Variants in VPS13B observed in about 807,000 individuals in gnomAD.
VPS13B encodes the protein intermembrane lipid transfer protein VPS13B.
A neutral mutation model predicts 426.4 loss-of-function variants in VPS13B; 285 were observed. That is an observed-to-expected ratio of 0.67 (90% CI 0.61 to 0.74). The LOEUF (loss-of-function observed/expected upper bound fraction) is 0.74, where lower values mean the gene tolerates loss of function less well. Ranked by LOEUF, VPS13B falls within the 30% of genes least tolerant of loss-of-function variation. VPS13B has a pLI of 0.00. For missense variants in VPS13B, 4,537 were observed against 4,782.6 expected (o/e 0.95, Z 1.51); for synonymous variants, 1,676 against 1,676.4 (o/e 1.00, Z 0.01).
At chr8:99,121,472 T>C in intron 8 of VPS13B, 27 bp downstream of exon 8, 2 of 1,610,768 alleles carry the variant, frequency 1.2e-6, no homozygotes, top group South Asian at 1.1e-5. Context: ...GCTGTTTATA[T>C]CTCTATCAAC....
At chr8:99,480,226 A>C (rs1489452875) in intron 24 of VPS13B, among the ~76,000 whole-genome samples, 1 of 152,186 alleles carries the variant, frequency 6.6e-6, no homozygotes, top group Non-Finnish European at 1.5e-5. Flanking sequence ...TTCTGTTAGC[A>C]ACTTTCTTCT....
chr8:99,233,777 A>G (rs1031896981), intron 17 of VPS13B: 40 of 779,312 alleles, frequency 5.1e-5, no homozygotes, highest in Middle Eastern at 3.6e-4. Context: ...TTCTTTTCCA[A>G]TCAGTCTTCC....
chr8:99,391,388 G>A (rs563035315), intron 20 of VPS13B, among the ~76,000 whole-genome samples, 169 bp from the exon 21 acceptor site: 3 of 151,952 alleles, frequency 2.0e-5, no homozygotes, highest in South Asian at 4.2e-4. Context: ...AAAAAAAAGC[G>A]GGGCTGTGGG....
chr8:99,795,432 T>C (rs1416628381), intron 43 of VPS13B, among the ~76,000 whole-genome samples: 5 of 152,318 alleles, frequency 3.3e-5, no homozygotes, highest in East Asian at 3.9e-4. Flanking sequence ...TTCCAGTTTT[T>C]ACTCACTTTC....
At chr8:99,324,478 G>A (rs1167703630) in intron 19 of VPS13B, among the ~76,000 whole-genome samples, 1 of 152,082 alleles carries the variant, frequency 6.6e-6, no homozygotes, top group East Asian at 1.9e-4. Flanking sequence ...TGCTTGCAGA[G>A]CTGAAAGATT....
intron 17 of VPS13B, among the ~76,000 whole-genome samples, chr8:99,209,105 C>T (rs910591422): frequency 6.6e-6 from 1 of 151,884 alleles, no homozygotes; most frequent in Admixed American, 6.6e-5. Context: ...ATGCTAAAAC[C>T]CCATCTCTAC....
At chr8:99,481,926 A>G in intron 25 of VPS13B, 124 bp downstream of exon 25, 1 of 1,190,134 alleles carries the variant, frequency 8.4e-7, no homozygotes, top group Admixed American at 2.0e-5. Flanking sequence ...AAGGTTCAAG[A>G]GGAGCTGTGG....
intron 17 of VPS13B, among the ~76,000 whole-genome samples, chr8:99,223,620 A>G (rs534482112): frequency 4.6e-5 from 7 of 152,322 alleles, no homozygotes; most frequent in Admixed American, 2.6e-4. Context: ...TGCTTCTTCA[A>G]TAAATAATAG....
chr8:99,816,910 A>C (rs2442756), intron 44 of VPS13B, among the ~76,000 whole-genome samples: 56,061 of 151,988 alleles, frequency 0.37, 10,533 homozygotes, highest in East Asian at 0.47. Flanking sequence ...GATAAGAGTG[A>C]AATAAACCCT....
chr8:99,528,499 C>T (rs189930957), intron 30 of VPS13B, among the ~76,000 whole-genome samples: 6 of 152,186 alleles, frequency 3.9e-5, no homozygotes, highest in African/African-American at 7.2e-5. Context: ...CATTATCTTA[C>T]AATTACATTG....
intron 13 of VPS13B, among the ~76,000 whole-genome samples, chr8:99,147,429 A>C (rs770583934): frequency 9.9e-5 from 15 of 152,058 alleles, no homozygotes; most frequent in Admixed American, 5.9e-4. Flanking sequence ...GAGTTTTTAA[A>C]ATTTTTGTTT....
At chr8:99,721,125 C>A in intron 39 of VPS13B, 78 bp downstream of exon 39, 1 of 1,435,590 alleles carries the variant, frequency 7.0e-7, no homozygotes, top group Non-Finnish European at 9.8e-7. Flanking sequence ...ATGTTTGGAA[C>A]ATACTTACTT....
At chr8:99,222,893 G>A (rs895917811) in intron 17 of VPS13B, among the ~76,000 whole-genome samples, 1 of 152,212 alleles carries the variant, frequency 6.6e-6, no homozygotes, top group African/African-American at 2.4e-5. Context: ...CTTGAGTGCA[G>A]TGGCATGATC....
intron 33 of VPS13B, among the ~76,000 whole-genome samples, chr8:99,635,226 G>A (rs543595832): frequency 7.9e-5 from 12 of 151,896 alleles, no homozygotes; most frequent in African/African-American, 2.9e-4. Context: ...TTAACTTTTT[G>A]GAAAATACTA....
chr8:99,040,247 C>G (rs1465302960), intron 3 of VPS13B, among the ~76,000 whole-genome samples: 1 of 152,128 alleles, frequency 6.6e-6, no homozygotes, highest in Non-Finnish European at 1.5e-5. Context: ...TTAGTGCAAC[C>G]TAGAACTAAT....
In VPS13B at chr8:99,143,194, T is replaced by C. The variant is rs1810524805; in HGVS notation, c.1843+29T>C. 1.9e-6 allele frequency: 3 copies of C among 1,613,056 alleles called. No homozygotes were observed. The Admixed American group carries it at 5.0e-5, about 27-fold the overall frequency. ...TGTTTCTGGATTAATTTTGAATCTT[T>C]TGCCATTTGTTTTGAGAATAATTAT... On this transcript the variant is annotated intron_variant, in intron 13 of 61. Transcript: ENST00000357162.
chr8:99,318,723 A>G (rs1172422530), intron 19 of VPS13B, among the ~76,000 whole-genome samples: 1 of 152,092 alleles, frequency 6.6e-6, no homozygotes, highest in Non-Finnish European at 1.5e-5. Context: ...GGGTTTCACC[A>G]TGATGGCCAG....
intron 35 of VPS13B, among the ~76,000 whole-genome samples, chr8:99,662,239 C>T (rs1256131327): frequency 6.6e-6 from 1 of 151,910 alleles, no homozygotes; most frequent in African/African-American, 2.4e-5. Context: ...ATTCCTCGAT[C>T]TTCCTCCTCT....
chr8:99,828,415 T>TGC (rs1814847445), intron 51 of VPS13B, among the ~76,000 whole-genome samples: 1 of 117,568 alleles, frequency 8.5e-6, no homozygotes, highest in African/African-American at 3.3e-5. Context: ...TTTTTTTTTT[T>TGC]TTTTTTTTTT....
Sources: allele counts gnomAD v4.1 joint callset (sites outside exome capture counted in the v4.1 genomes callset), GRCh38; gene constraint gnomAD v4.1.1; transcripts MANE v1.5; gene names NCBI Gene and HGNC (gene_info 2026-07-23, HGNC 2026-07-21).